ALDH16A1: variants seen among roughly 807,000 people sequenced by gnomAD.
ALDH16A1 encodes aldehyde dehydrogenase family 16 member A1.
In ALDH16A1, 88 loss-of-function variants were observed where a neutral mutation model predicts 96.1. The observed-to-expected ratio is 0.92, with a 90% CI of 0.77 to 1.09. The LOEUF (loss-of-function observed/expected upper bound fraction) is 1.09, where lower values mean the gene tolerates loss of function less well. Ranked by LOEUF, ALDH16A1 falls within the 50% of genes least tolerant of loss-of-function variation. The pLI is 0.00. For missense variants in ALDH16A1, 1,250 were observed against 1,112.6 expected (o/e 1.12, Z -1.76); for synonymous variants, 522 against 496.4 (o/e 1.05, Z -0.69).
In ALDH16A1 at chr19:49,467,746, G is replaced by A. The variant is rs138648679; in HGVS notation, c.1939-635G>A. Among the ~76,000 whole-genome samples, 1,434 of 151,808 alleles carry A rather than the reference G, an allele frequency of 9.4e-3. 27 individuals are homozygous for A. Among genetic ancestry groups the A allele is most frequent in the African/African-American group, 0.033 (1,366 of 41,364 alleles). ...TAGTTCTGGGATACATGTGCAGAAC[G>A]CGCAGGCTTGTTACATAGGGATACA... On this transcript the variant is annotated intron_variant, in intron 14 of 16. Transcript: ENST00000293350.
chr19:49,456,005 A>G (rs1052850375), intron 1 of ALDH16A1, among the ~76,000 whole-genome samples: 2 of 152,236 alleles, frequency 1.3e-5, no homozygotes, highest in Non-Finnish European at 1.5e-5. Flanking sequence ...GACAAAAGTC[A>G]TCTGGGACCA....
intron 1 of ALDH16A1, among the ~76,000 whole-genome samples, chr19:49,454,115 T>C (rs2079091417): frequency 6.8e-6 from 1 of 147,744 alleles, no homozygotes; most frequent in Middle Eastern, 3.6e-3. Context: ...CTCAACCTCC[T>C]GGGCTCAAGC....
chr19:49,462,551 A>G lies in ALDH16A1; in HGVS notation c.913-19A>G, dbSNP rs749598651. On this transcript the variant is annotated intron_variant, in intron 7 of 16. Coordinates refer to ENST00000293350, the MANE Select transcript of ALDH16A1 (RefSeq NM_153329.4). Reference sequence around the variant, plus strand: ...TAGAGTGCAATGGTGTGATCTCCTGATGCCCCTTTTCCTCACAGGGTGGCC... The same window carrying G: ...TAGAGTGCAATGGTGTGATCTCCTGGTGCCCCTTTTCCTCACAGGGTGGCC... 6.8e-6 allele frequency: 11 copies of G among 1,609,616 alleles called. No individual in the cohort carries two copies. Among genetic ancestry groups the G allele is most frequent in the Non-Finnish European group, 9.3e-6 (11 of 1,178,712 alleles).
chr19:49,460,606 G>T (rs1353287397), intron 4 of ALDH16A1, among the ~76,000 whole-genome samples: 2 of 151,662 alleles, frequency 1.3e-5, no homozygotes, highest in Admixed American at 6.6e-5. Flanking sequence ...TGGAGATGGG[G>T]TTTTTCCATG....
chr19:49,453,590 G>T, intron 1 of ALDH16A1, 169 bp downstream of exon 1: 2 of 615,232 alleles, frequency 3.3e-6, no homozygotes, highest in South Asian at 4.3e-5. Context: ...GCTCCCTTGA[G>T]CCTTGGCGGT....
chr19:49,468,086 G>C lies in ALDH16A1; in HGVS notation c.1939-295G>C, dbSNP rs961974620. 2.0e-5 allele frequency among the ~76,000 whole-genome samples: 3 copies of C among 151,564 alleles called. No homozygotes were observed. The highest frequency in any genetic ancestry group is 7.3e-5 in the African/African-American group (3 of 41,192). ...GAGGCAGGAGAATGGCGTGAACCCG[G>C]GAGGCGGAGGTTGCAGTGAGCCAAG... On this transcript the variant is annotated intron_variant, in intron 14 of 16. Coordinates refer to ENST00000293350, the MANE Select transcript of ALDH16A1 (RefSeq NM_153329.4). The surrounding 1 kb of genome is among the most constrained non-coding windows in gnomAD (Gnocchi z 4.4).
chr19:49,466,396 G>GC lies in ALDH16A1; in HGVS notation c.1938+114dup, dbSNP rs3833224. On this transcript the variant is annotated intron_variant, in intron 14 of 16. Coordinates refer to ENST00000293350, the MANE Select transcript of ALDH16A1 (RefSeq NM_153329.4). ...GGGCCCAGCCCCACCGCCTTCCACG[G>GC]CAGGATCATCAGCAAGTGGCTTCAC... 0.021 allele frequency: 24,083 copies of GC among 1,172,844 alleles called. 2,326 individuals are homozygous for GC. In the African/African-American group the frequency reaches 0.24, roughly 12 times the overall value. 72.7% of individuals were successfully genotyped at this position (1,172,844 alleles called of 1,614,324 possible). A position where few individuals can be genotyped will look rare whatever the true frequency, so the allele number is the denominator to read the frequency against.
At chr19:49,462,332 A>G (rs990444659) in intron 7 of ALDH16A1, among the ~76,000 whole-genome samples, 4 of 151,918 alleles carry the variant, frequency 2.6e-5, no homozygotes, top group African/African-American at 9.7e-5. Context: ...ACGGGGTTTC[A>G]CCATGTTGGC....
intron 14 of ALDH16A1, among the ~76,000 whole-genome samples, chr19:49,466,909 C>T (rs1035560299): frequency 6.6e-6 from 1 of 151,934 alleles, no homozygotes; most frequent in Non-Finnish European, 1.5e-5. Flanking sequence ...TGGTGGCTCA[C>T]GCCTGTAATC....
At chr19:49,460,562 G>A (rs2079133046) in intron 4 of ALDH16A1, among the ~76,000 whole-genome samples, 1 of 151,768 alleles carries the variant, frequency 6.6e-6, no homozygotes, top group Admixed American at 6.6e-5. Context: ...CTACAGGCAT[G>A]CACCACCACG....
intron 1 of ALDH16A1, among the ~76,000 whole-genome samples, chr19:49,455,989 T>G (rs1481326984): frequency 6.6e-6 from 1 of 152,238 alleles, no homozygotes. Flanking sequence ...TTGGCTCAAC[T>G]TCCCTGACAA....
chr19:49,465,606 G>T, intron 12 of ALDH16A1, 132 bp from the exon 13 acceptor site: 1 of 1,105,134 alleles, frequency 9.0e-7, no homozygotes, highest in Non-Finnish European at 1.3e-6. Flanking sequence ...TCCCCCAGAG[G>T]CTCATGGGAA....
chr19:49,462,986 G>A (rs879209644), intron 8 of ALDH16A1, among the ~76,000 whole-genome samples: 1 of 113,398 alleles, frequency 8.8e-6, no homozygotes, highest in Admixed American at 8.3e-5. Context: ...AGGGGCTGGG[G>A]CCTGGACTCC....
intron 12 of ALDH16A1, among the ~76,000 whole-genome samples, chr19:49,465,137 C>T (rs1484427817): frequency 7.1e-6 from 1 of 140,766 alleles, no homozygotes; most frequent in Non-Finnish European, 1.5e-5. Flanking sequence ...GAGGTCCCCC[C>T]AGAGACTCAA....
Position 49,462,743 on chromosome 19 carries a change from C to G in ALDH16A1, c.1086C>G (p.Ser362Arg), listed in dbSNP as rs1042705967. The G allele has an allele frequency of 3.8e-6, 6 of 1,592,790 alleles. No individual in the cohort carries two copies. The African/African-American group carries it at 5.4e-5, about 14-fold the overall frequency. The change falls in exon 8 of 17, where the codon AGC becomes AGG. Residue 362 changes from serine to arginine, a missense_variant. Physicochemically the swap from Ser to Arg is moderately radical, Grantham distance 110. Coordinates refer to ENST00000293350, the MANE Select transcript of ALDH16A1 (RefSeq NM_153329.4). The part of the protein sequence containing the change: ...LVQRFVREAQ[S>R]QGAQVFQAGD... ...AGCGCTTTGTGCGTGAGGCCCAGAG[C>G]CAGGGTGCACAGGTGAGGCAGGGGG...
Position 49,453,290 on chromosome 19 carries a change from A to T in ALDH16A1, c.-42A>T. On this transcript the variant is annotated 5_prime_UTR_variant, in exon 1 of 17. Transcript: ENST00000293350. ...CGGACCTCAAGGTTCCCCTTAACAC[A>T]GAGCGCCCCGCAGTCTTCGCGGAAA... 1 of 1,514,194 alleles carries T rather than the reference A, an allele frequency of 6.6e-7. No homozygotes were observed. The highest frequency in any genetic ancestry group is 8.9e-7 in the Non-Finnish European group (1 of 1,127,424). The allele number at this position is 1,514,194 out of a possible 1,614,324, so 93.8% of individuals were successfully genotyped here.
In ALDH16A1 at chr19:49,465,740, C is replaced by T; in HGVS notation, c.1571C>T (p.Pro524Leu). Residue 524 changes from proline (P) to leucine (L), a missense_variant and splice_region_variant, in exon 13 of 17, where the codon CCA becomes CTA. Pro to Leu is a moderately conservative substitution (Grantham distance 98). Transcript: ENST00000293350. ...CCTCATGTCCCACCCTACTCCAGCC[C>T]AGCACCCCCCTATGGGCTCTTCGTT... is the stretch of plus-strand genomic sequence containing the variant. ...LPAGPEIGPS[P>L]APPYGLFVGG... 3.1e-6 allele frequency: 5 copies of T among 1,612,494 alleles called. No homozygotes were observed. Among genetic ancestry groups the T allele is most frequent in the Non-Finnish European group, 4.2e-6 (5 of 1,178,976 alleles).
Position 49,468,884 on chromosome 19 carries a change from A to G in ALDH16A1, c.2145A>G (p.Pro715=). ...CCTAGGACATGGCCACCGTGTTCCC[A>G]GCAGGCCTGGCCAACGTGGTGACAG... ...EVCQDMATVF[P]AGLANVVTGD... The change falls in exon 16 of 17, where the codon CCA becomes CCG. Residue 715 remains proline, a synonymous_variant. Coordinates refer to ENST00000293350, the MANE Select transcript of ALDH16A1 (RefSeq NM_153329.4). The surrounding 1 kb of genome is among the most constrained non-coding windows in gnomAD (Gnocchi z 4.4). 1 of 1,612,834 alleles carries G rather than the reference A, an allele frequency of 6.2e-7. No individual in the cohort carries two copies. Among genetic ancestry groups the G allele is most frequent in the South Asian group, 1.1e-5 (1 of 91,036 alleles).
chr19:49,470,252 G>C (rs1052033891), intron 16 of ALDH16A1, 54 bp from the exon 17 acceptor site: 1 of 1,600,466 alleles, frequency 6.2e-7, no homozygotes, highest in African/African-American at 1.3e-5. Flanking sequence ...GAGGAAGCAG[G>C]TGCTCAGCAA....
Sources: allele counts gnomAD v4.1 joint callset (sites outside exome capture counted in the v4.1 genomes callset), GRCh38; gene constraint gnomAD v4.1.1; non-coding constraint Gnocchi (gnomAD v3.1); transcripts MANE v1.5; gene names NCBI Gene and HGNC (gene_info 2026-07-23, HGNC 2026-07-21).